Variants in MTCL1 observed in about 807,000 individuals in gnomAD.
The protein encoded by MTCL1 is microtubule cross-linking factor 1.
In MTCL1, 79 loss-of-function variants were observed where a neutral mutation model predicts 141.4. That is an observed-to-expected ratio of 0.56 (90% CI 0.47 to 0.67). The LOEUF is 0.67. Ranked by LOEUF, MTCL1 falls within the 30% of genes least tolerant of loss-of-function variation. The pLI, the probability that MTCL1 is intolerant of heterozygous loss-of-function variation, is 0.00. For missense variants in MTCL1, 2,177 were observed against 2,113.9 expected, an observed-to-expected ratio of 1.03 and a Z score of -0.59; for synonymous variants, 914 against 875.8, an observed-to-expected ratio of 1.04 and a Z score of -0.77.
At chr18:8,758,966 G>A (rs1188421556) in intron 4 of MTCL1, among the ~76,000 whole-genome samples, 4 of 152,128 alleles carry the variant, frequency 2.6e-5, no homozygotes, top group African/African-American at 7.2e-5. Flanking sequence ...CACCTCCTCC[G>A]AAGTTTCAGT....
At chr18:8,718,238 C>G (rs1422413319) in intron 2 of MTCL1, among the ~76,000 whole-genome samples, 186 bp from the exon 2 acceptor site, 1 of 152,156 alleles carries the variant, frequency 6.6e-6, no homozygotes, top group African/African-American at 2.4e-5. Context: ...AACAGATACT[C>G]AATTATATTA....
At chr18:8,755,111 C>T (rs1374872431) in intron 4 of MTCL1, among the ~76,000 whole-genome samples, 3 of 152,232 alleles carry the variant, frequency 2.0e-5, no homozygotes, top group East Asian at 3.8e-4. Context: ...CCCCGTGCCA[C>T]GGCTGCTCTT....
exon 7 of MTCL1, chr18:8,785,947 A>G: frequency 6.2e-7 from 1 of 1,602,040 alleles, no homozygotes; most frequent in African/African-American, 1.3e-5. Context: ...CCAGACTGAA[A>G]GAGCAGCTGG....
rs7233770 is a variant in MTCL1 at position 8,830,098 on chromosome 18, G to A, written c.*18+1134G>A. The stretch of plus-strand genomic sequence containing the variant: ...ACACTACTTCTATAACAAGGGGAGC[G>A]CAGACACAAAACACACAGATTTCCC... On this transcript the variant is annotated intron_variant, in intron 16 of 16. Coordinates refer to ENST00000359865, the Ensembl canonical transcript of MTCL1. This position sits in a 1 kb window ranked among gnomAD's most constrained non-coding sequence, Gnocchi z 6.4. The A allele has an allele frequency of 0.093, 91,549 of 985,310 alleles. 4,406 individuals carry two copies. The highest frequency in any genetic ancestry group is 0.11 in the East Asian group (976 of 8,794). 61.0% of individuals were successfully genotyped at this position (985,310 alleles called of 1,614,324 possible). A position where few individuals can be genotyped will look rare whatever the true frequency, so the allele number is the denominator to read the frequency against.
intron 4 of MTCL1, among the ~76,000 whole-genome samples, chr18:8,768,179 T>G (rs2096468054): frequency 6.6e-6 from 1 of 152,252 alleles, no homozygotes; most frequent in Admixed American, 6.5e-5. Flanking sequence ...ATGTTAACAT[T>G]GTACTATACT....
At chr18:8,706,157 C>T in exon 1 of MTCL1, 11 of 1,220,740 alleles carry the variant, frequency 9.0e-6, no homozygotes, top group Non-Finnish European at 1.1e-5. Context: ...AAGCGCGGCT[C>T]CCGGGCGCCA....
At chr18:8,718,711 G>GT (rs1198635759) in intron 3 of MTCL1, 63 bp downstream of exon 2, 1 of 1,478,832 alleles carries the variant, frequency 6.8e-7, no homozygotes, top group Admixed American at 1.7e-5. Context: ...CCACATGCAC[G>GT]TTGCCCTGGT....
At chr18:8,824,742 G>T in exon 15 of MTCL1, 2 of 1,613,972 alleles carry the variant, frequency 1.2e-6, no homozygotes, top group Non-Finnish European at 1.7e-6. Context: ...GCGTCTAATG[G>T]ACATCTCCCC....
chr18:8,806,648 C>A (rs1310428660), intron 10 of MTCL1, among the ~76,000 whole-genome samples: 2 of 152,116 alleles, frequency 1.3e-5, no homozygotes, highest in African/African-American at 4.8e-5. Flanking sequence ...ACCAGGGCAG[C>A]CTTCCTTCTA....
intron 11 of MTCL1, among the ~76,000 whole-genome samples, chr18:8,807,928 A>G (rs1166337175): frequency 1.3e-5 from 2 of 151,686 alleles, no homozygotes; most frequent in Non-Finnish European, 2.9e-5. Context: ...TGGCCTGGTC[A>G]TGAAAGGAAA....
intron 4 of MTCL1, among the ~76,000 whole-genome samples, chr18:8,725,501 T>G (rs2096202496): frequency 6.6e-6 from 1 of 152,222 alleles, no homozygotes; most frequent in Non-Finnish European, 1.5e-5. Flanking sequence ...GTTTTACAAA[T>G]ACACAAAGGT....
At chr18:8,799,429 C>T (rs1367250157) in intron 10 of MTCL1, among the ~76,000 whole-genome samples, 1 of 152,184 alleles carries the variant, frequency 6.6e-6, no homozygotes, top group African/African-American at 2.4e-5. Context: ...AATAACATGA[C>T]TCAAGGAGGA....
intron 4 of MTCL1, among the ~76,000 whole-genome samples, chr18:8,774,711 C>A (rs2096498584): frequency 6.6e-6 from 1 of 152,244 alleles, no homozygotes; most frequent in Admixed American, 6.5e-5. Flanking sequence ...CAGTGTCAAA[C>A]TCCTGACCTC....
intron 6 of MTCL1, among the ~76,000 whole-genome samples, 185 bp downstream of exon 5, chr18:8,785,028 T>A (rs1313264654): frequency 6.6e-6 from 1 of 151,978 alleles, no homozygotes; most frequent in Admixed American, 6.5e-5. Flanking sequence ...TTTGTTTTTT[T>A]TTTTTTTAAG....
chr18:8,804,622 C>T (rs781010207), intron 10 of MTCL1, among the ~76,000 whole-genome samples: 13 of 152,160 alleles, frequency 8.5e-5, no homozygotes, highest in South Asian at 2.1e-4. Flanking sequence ...CCTTTTGTCC[C>T]AGAGTTATTA....
At chr18:8,717,928 C>A in exon 2 of MTCL1, 1 of 996,154 alleles carries the variant, frequency 1.0e-6, no homozygotes, top group Non-Finnish European at 1.2e-6. Context: ...TGCTGAGATG[C>A]GTCTTGTGGA....
chr18:8,792,651 C>T (rs2075773794), intron 7 of MTCL1, among the ~76,000 whole-genome samples: 1 of 152,184 alleles, frequency 6.6e-6, no homozygotes, highest in Non-Finnish European at 1.5e-5. Flanking sequence ...CGGCTCTGAC[C>T]ATCCCGGCGT....
At chr18:8,815,266 T>TATA (rs113203061) in intron 12 of MTCL1, among the ~76,000 whole-genome samples, 68 of 151,722 alleles carry the variant, frequency 4.5e-4, no homozygotes, top group African/African-American at 1.6e-3. Flanking sequence ...ATGTGGCACA[T>TATA]ATACACCATG....
exon 1 of MTCL1, chr18:8,706,309 T>C: frequency 8.1e-7 from 1 of 1,229,576 alleles, no homozygotes; most frequent in Non-Finnish European, 1.0e-6. Flanking sequence ...TGACTGCCCC[T>C]CCGAACCCCT....
Sources: allele counts gnomAD v4.1 joint callset (sites outside exome capture counted in the v4.1 genomes callset), GRCh38; gene constraint gnomAD v4.1.1; non-coding constraint Gnocchi (gnomAD v3.1); transcripts MANE v1.5; gene names NCBI Gene and HGNC (gene_info 2026-07-23, HGNC 2026-07-21).